The following DISP1 variants were observed in gnomAD, a reference collection of about 807,000 sequenced individuals.
DISP1 encodes the protein protein dispatched homolog 1.
Under a neutral mutation model 37.3 loss-of-function variants are expected in DISP1, and 30 were observed. That is an observed-to-expected ratio of 0.80 (90% confidence interval 0.60 to 1.09). DISP1 has a LOEUF of 1.09. Among genes scored for constraint, DISP1 ranks in the 50% least tolerant of loss-of-function variants. The probability of loss-of-function intolerance (pLI) is 0.00; values close to 1 mark genes in which losing one functional copy is unlikely to be tolerated. For missense variants in DISP1, 1,598 were observed against 1,879.5 expected (o/e 0.85, Z 2.77); for synonymous variants, 634 against 690.2 (o/e 0.92, Z 1.28).
At chr1:222,837,361 G>T (rs1404435694) in intron 1 of DISP1, 3 of 318,704 alleles carry the variant, frequency 9.4e-6, no homozygotes, top group Non-Finnish European at 1.7e-5. Context: ...ATGTGAGAGA[G>T]AAATAAACTT....
In DISP1 at chr1:222,991,520, G is replaced by A. The variant is rs1678692537; in HGVS notation, c.664G>A (p.Gly222Ser). ...ATGAGCACCTGTAATTTTGCCTTAG[G>A]GTTTTGAACCAAGAGGAACAGCAAT... ...ELPDFSDPLLGFEPRGTAIGQ... is the reference protein window; with the variant it reads ...ELPDFSDPLLSFEPRGTAIGQ... The change falls in exon 6 of 9, where the codon GGT becomes AGT. Residue 222 changes from glycine to serine, a missense_variant and splice_region_variant. Transcript: ENST00000675850. 3.7e-6 allele frequency: 6 copies of A among 1,613,562 alleles called. No homozygotes were observed. Among genetic ancestry groups the A allele is most frequent in the Non-Finnish European group, 5.1e-6 (6 of 1,179,760 alleles).
chr1:222,863,594 A>G (rs1669006701), intron 1 of DISP1, among the ~76,000 whole-genome samples: 1 of 151,666 alleles, frequency 6.6e-6, no homozygotes, highest in Non-Finnish European at 1.5e-5. Flanking sequence ...CTCGTCCCTC[A>G]TTTATGAAAC....
rs1478309192 is a variant in DISP1, at chr1:222,893,671, T to C, written c.-158-34759T>C. Among the ~76,000 whole-genome samples the C allele has an allele frequency of 6.6e-6, 1 of 152,116 alleles. No individual in the cohort carries two copies. Among genetic ancestry groups the C allele is most frequent in the Admixed American group, 6.5e-5 (1 of 15,276 alleles). ...CACCCATGTCTGGATGAGGGGAATG[T>C]GGTGGTGCCTGGAAGCTTGGAGATG... On this transcript the variant is annotated intron_variant, in intron 1 of 8. Coordinates refer to ENST00000675850, the MANE Select transcript of DISP1 (RefSeq NM_001377229.1). This position sits in a 1 kb window ranked among gnomAD's most constrained non-coding sequence, Gnocchi z 4.3.
chr1:222,827,313 G>A (rs977186433), intron 1 of DISP1: 2 of 152,170 alleles, frequency 1.3e-5, no homozygotes, highest in African/African-American at 4.8e-5. Flanking sequence ...GTGTTGAAGA[G>A]AAAAATTCCA....
intron 1 of DISP1, among the ~76,000 whole-genome samples, chr1:222,919,163 A>G (rs1483140789): frequency 6.6e-6 from 1 of 152,230 alleles, no homozygotes. Flanking sequence ...GCCTTTCTTA[A>G]TTAATTAAAA....
chr1:222,964,778 A>G (rs1676344726), intron 3 of DISP1, among the ~76,000 whole-genome samples: 1 of 152,228 alleles, frequency 6.6e-6, no homozygotes, highest in Non-Finnish European at 1.5e-5. Context: ...GGGCTTTTGA[A>G]AACGCTAGTA....
intron 1 of DISP1, among the ~76,000 whole-genome samples, chr1:222,820,860 C>T (rs533992286): frequency 1.3e-5 from 2 of 152,280 alleles, no homozygotes; most frequent in Admixed American, 1.3e-4. Context: ...TGCAGGCTGG[C>T]TGAGGGTGTT....
intron 1 of DISP1, among the ~76,000 whole-genome samples, chr1:222,846,707 A>G (rs1238883667): frequency 6.6e-6 from 1 of 152,264 alleles, no homozygotes; most frequent in Non-Finnish European, 1.5e-5. Context: ...AAACTAGAAT[A>G]TAGGACAAAG....
chr1:222,868,896 A>G (rs1053527550), intron 1 of DISP1, among the ~76,000 whole-genome samples: 1 of 152,152 alleles, frequency 6.6e-6, no homozygotes, highest in Non-Finnish European at 1.5e-5. Context: ...ATTCATATGT[A>G]TATTTTTTCA....
At chr1:222,817,307 G>A (rs1312933567) in intron 1 of DISP1, among the ~76,000 whole-genome samples, 1 of 152,152 alleles carries the variant, frequency 6.6e-6, no homozygotes, top group Non-Finnish European at 1.5e-5. Context: ...TATGTACAGT[G>A]TCTGTATTGG....
At chr1:222,883,009 T>G (rs1259340968) in intron 1 of DISP1, among the ~76,000 whole-genome samples, 1 of 152,174 alleles carries the variant, frequency 6.6e-6, no homozygotes, top group Non-Finnish European at 1.5e-5. Flanking sequence ...GTGAAGAAAC[T>G]TATGAGATAG....
chr1:222,865,851 A>T (rs1213459211), intron 1 of DISP1, among the ~76,000 whole-genome samples: 1 of 152,180 alleles, frequency 6.6e-6, no homozygotes, highest in African/African-American at 2.4e-5. Context: ...TATATTTGGC[A>T]TATTTCCCAA....
At position 223,003,111 on chromosome 1, in the gene DISP1, G is replaced by A. The variant is rs1679599210; in HGVS notation, c.1714G>A (p.Asp572Asn). The A allele has an allele frequency of 6.2e-7, 1 of 1,614,070 alleles. No individual in the cohort carries two copies. Among genetic ancestry groups the A allele is most frequent in the Non-Finnish European group, 8.5e-7 (1 of 1,180,048 alleles). ...ALIILVGIGADDAFVLCDVWN... is the reference protein window; with the variant it reads ...ALIILVGIGANDAFVLCDVWN... ...CATTATTTTGGTTGGAATTGGAGCA[G>A]ATGATGCTTTTGTCCTGTGTGATGT... The change falls in exon 9 of 9, where the codon GAT (aspartate) becomes AAT (asparagine). Residue 572 changes from aspartate (D) to asparagine (N), a missense_variant. Coordinates refer to ENST00000675850, the MANE Select transcript of DISP1 (RefSeq NM_001377229.1). The surrounding 1 kb of genome is among the most constrained non-coding windows in gnomAD (Gnocchi z 4.3).
chr1:222,853,364 T>G (rs1390332016), intron 1 of DISP1, among the ~76,000 whole-genome samples: 2 of 152,168 alleles, frequency 1.3e-5, no homozygotes, highest in Non-Finnish European at 2.9e-5. Context: ...CTATAAATAG[T>G]ACTACCATCT....
chr1:222,830,285 A>G (rs953106979), intron 1 of DISP1, among the ~76,000 whole-genome samples: 1 of 151,952 alleles, frequency 6.6e-6, no homozygotes, highest in African/African-American at 2.4e-5. Context: ...AAGATTATGC[A>G]ATTTGTGTAT....
chr1:222,953,806 T>C (rs1002334126), intron 3 of DISP1, among the ~76,000 whole-genome samples: 1 of 152,212 alleles, frequency 6.6e-6, no homozygotes, highest in African/African-American at 2.4e-5. Context: ...AGAGAGTTCT[T>C]CTTTTATTAT....
intron 3 of DISP1, among the ~76,000 whole-genome samples, chr1:222,972,038 C>T (rs915039469): frequency 2.0e-5 from 3 of 152,012 alleles, no homozygotes; most frequent in African/African-American, 7.2e-5. Context: ...TGTTGTAACT[C>T]AAATTATCAC....
intron 1 of DISP1, among the ~76,000 whole-genome samples, chr1:222,838,978 TCAAA>T (rs1259672095): frequency 1.3e-5 from 2 of 152,214 alleles, no homozygotes. Context: ...TGGTTGTTCC[TCAAA>T]CATTTAGCTA....
At chr1:222,878,671 G>T (rs564460881) in intron 1 of DISP1, among the ~76,000 whole-genome samples, 3 of 152,080 alleles carry the variant, frequency 2.0e-5, no homozygotes, top group Admixed American at 2.0e-4. Flanking sequence ...CTCAATATAG[G>T]TGCCTGTGTG....
Sources: gnomAD v4.1 joint callset for allele counts (sites outside exome capture counted in the v4.1 genomes callset) on GRCh38, gnomAD v4.1.1 for gene constraint, Gnocchi (gnomAD v3.1) non-coding constraint, MANE v1.5 for transcripts, NCBI Gene and HGNC (gene_info 2026-07-23, HGNC 2026-07-21) for gene names.